The following PCDHA3 variants were observed in gnomAD, a reference collection of about 807,000 sequenced individuals.
PCDHA3 encodes the protein protocadherin alpha 3, also known as protocadherin alpha-3.
PCDHA3 carries 41 observed loss-of-function variants against 62.2 expected under a neutral mutation model. That is an observed-to-expected ratio of 0.66 (90% confidence interval 0.51 to 0.86). PCDHA3 has a LOEUF of 0.86. PCDHA3 is among the 40% of genes least tolerant of loss of function. The pLI, the probability that PCDHA3 is intolerant of heterozygous loss-of-function variation, is 0.00. For synonymous variants in PCDHA3, 640 were observed against 555.4 expected (o/e 1.15, Z -2.14); for missense variants, 1,304 against 1,241.2 (o/e 1.05, Z -0.76).
chr5:140,857,728 C>G, intron 1 of PCDHA3: 1 of 1,597,418 alleles, frequency 6.3e-7, no homozygotes, highest in Non-Finnish European at 8.6e-7. Context: ...AGAACGACAA[C>G]GCTCCCGCGC....
intron 1 of PCDHA3, among the ~76,000 whole-genome samples, chr5:140,917,332 G>C (rs182473611): frequency 8.9e-5 from 13 of 145,644 alleles, no homozygotes; most frequent in East Asian, 6.0e-4. Flanking sequence ...GGCGGGGGAG[G>C]GGGGGGATGG....
chr5:141,011,749 G>T lies in PCDHA3; in HGVS notation c.*1812G>T, dbSNP rs782567787. 1.2e-4 allele frequency: 18 copies of T among 153,636 alleles called. No homozygotes were observed. Among genetic ancestry groups the T allele is most frequent in the Non-Finnish European group, 2.5e-4 (17 of 68,010 alleles). 9.5% of individuals were successfully genotyped at this position (153,636 alleles called of 1,614,324 possible). A position where few individuals can be genotyped will look rare whatever the true frequency, so the allele number is the denominator to read the frequency against. On this transcript the variant is annotated 3_prime_UTR_variant, in exon 4 of 4. Coordinates refer to ENST00000522353, the MANE Select transcript of PCDHA3 (RefSeq NM_018906.3). ...GTGCAAGCACAAATTTTACCAATCT[G>T]ACCTCTTTGAAGTTGCAGAATGCTT...
At chr5:140,870,614 C>G in intron 1 of PCDHA3, 2 of 1,613,212 alleles carry the variant, frequency 1.2e-6, no homozygotes, top group South Asian at 2.2e-5. Flanking sequence ...CGCGCGCTGT[C>G]GAGCTACGTG....
At chr5:140,947,010 A>C (rs924112965) in intron 1 of PCDHA3, among the ~76,000 whole-genome samples, 7 of 151,752 alleles carry the variant, frequency 4.6e-5, no homozygotes, top group African/African-American at 1.4e-4. Flanking sequence ...AGAAATGATA[A>C]ATGTTTGAGG....
intron 3 of PCDHA3, among the ~76,000 whole-genome samples, chr5:141,003,433 T>G (rs1479468480): frequency 2.0e-5 from 3 of 152,112 alleles, no homozygotes; most frequent in African/African-American, 7.2e-5. Flanking sequence ...TGCCTCAGCC[T>G]CCCAAGTAGA....
chr5:140,830,126 T>C, intron 1 of PCDHA3: 1 of 1,613,316 alleles, frequency 6.2e-7, no homozygotes, highest in Non-Finnish European at 8.5e-7. Flanking sequence ...TCCAAAGGCG[T>C]CATCACGGGC....
In PCDHA3 at chr5:140,950,226, T is replaced by A. The variant is rs1478539445; in HGVS notation, c.2395-28723T>A. ...TGTTTACCTAGTCATTTACCATTTC[T>A]AGTGCCATTAATTTGTTCCTAAAGA... On this transcript the variant is annotated intron_variant, in intron 1 of 3. Coordinates refer to ENST00000522353, the MANE Select transcript of PCDHA3 (RefSeq NM_018906.3). 5.9e-5 allele frequency among the ~76,000 whole-genome samples: 9 copies of A among 152,018 alleles called. No homozygotes were observed. The East Asian group carries it at 1.7e-3, about 29-fold the overall frequency.
intron 1 of PCDHA3, chr5:140,869,751 C>G: frequency 1.2e-6 from 2 of 1,613,134 alleles, no homozygotes. Flanking sequence ...CAGCTACAGA[C>G]GGGGGAAAAC....
chr5:140,830,035 G>A, intron 1 of PCDHA3: 1 of 1,613,880 alleles, frequency 6.2e-7, no homozygotes, highest in Non-Finnish European at 8.5e-7. Flanking sequence ...ACCGGCTGCT[G>A]GTGCTGGTGA....
intron 1 of PCDHA3, among the ~76,000 whole-genome samples, chr5:140,937,771 G>T (rs558321540): frequency 6.6e-6 from 1 of 151,436 alleles, no homozygotes; most frequent in Non-Finnish European, 1.5e-5. Context: ...AATTAGTCGG[G>T]CGTGGTGGCG....
In PCDHA3 at chr5:140,801,276, G is replaced by C. The variant is rs1554121348; in HGVS notation, c.79G>C (p.Gly27Arg). ...TCTGCTCCTCGCAGCCTCGGAGGTG[G>C]GGAGCGGCCAGCTCCACTACTCCGT... Reference protein sequence around the residue: ...SLLLLAASEVGSGQLHYSVSE... With the variant: ...SLLLLAASEVRSGQLHYSVSE... The change falls in exon 1 of 4, where the codon GGG becomes CGG. Residue 27 changes from glycine (G) to arginine (R), a missense_variant. Coordinates refer to ENST00000522353, the MANE Select transcript of PCDHA3 (RefSeq NM_018906.3). 6.2e-7 allele frequency: 1 copy of C among 1,613,640 alleles called. No homozygotes were observed. Among genetic ancestry groups the C allele is most frequent in the East Asian group, 2.2e-5 (1 of 44,892 alleles).
At chr5:140,886,101 A>G (rs1554182351) in intron 1 of PCDHA3, among the ~76,000 whole-genome samples, 1 of 152,228 alleles carries the variant, frequency 6.6e-6, no homozygotes, top group Admixed American at 6.5e-5. Context: ...ACATTGATAC[A>G]GTAAAGAAGT....
intron 1 of PCDHA3, among the ~76,000 whole-genome samples, chr5:140,826,807 G>A (rs1769059412): frequency 6.6e-6 from 1 of 152,146 alleles, no homozygotes; most frequent in African/African-American, 2.4e-5. Context: ...TACCTAACAT[G>A]TGATTACATA....
Position 140,953,715 on chromosome 5 carries a change from A to T in PCDHA3, c.2395-25234A>T, listed in dbSNP as rs535385036. Among the ~76,000 whole-genome samples the T allele has an allele frequency of 2.6e-5, 4 of 152,312 alleles. No homozygotes were observed. The South Asian group carries it at 6.2e-4, about 24-fold the overall frequency. On this transcript the variant is annotated intron_variant, in intron 1 of 3. Transcript: ENST00000522353. ...TGATCTACTAGACTGAGCTTCAGAC[A>T]TTGTGTTTTGAAATTTTTGCTTAAC...
intron 1 of PCDHA3, among the ~76,000 whole-genome samples, chr5:140,951,923 T>C (rs538525528): frequency 6.6e-6 from 1 of 152,214 alleles, no homozygotes; most frequent in South Asian, 2.1e-4. Flanking sequence ...ACAAGTTAGT[T>C]ACTCCCAAGA....
Position 141,009,742 on chromosome 5 carries a change from C to A in PCDHA3, c.2658C>A (p.Asp886Glu). 6.2e-7 allele frequency: 1 copy of A among 1,614,160 alleles called. No individual in the cohort carries two copies. Among genetic ancestry groups the A allele is most frequent in the Non-Finnish European group, 8.5e-7 (1 of 1,180,038 alleles). The part of the protein sequence containing the change: ...PKQSGPGELP[D>E]KFIIPGSPAI... ...AATCCGGTCCCGGTGAGTTGCCCGA[C>A]AAATTCATTATCCCAGGATCTCCTG... is the stretch of plus-strand genomic sequence containing the variant. The change falls in exon 4 of 4, where the codon GAC becomes GAA. Residue 886 changes from aspartate to glutamate, a missense_variant. By Grantham distance (45) the Asp-to-Glu change is conservative. Coordinates refer to ENST00000522353, the MANE Select transcript of PCDHA3 (RefSeq NM_018906.3).
At position 140,829,373 on chromosome 5, in the gene PCDHA3, C is replaced by A. The variant is rs1202815393; in HGVS notation, c.2394+25782C>A. On this transcript the variant is annotated intron_variant, in intron 1 of 3. Transcript: ENST00000522353. The stretch of plus-strand genomic sequence containing the variant: ...GGCCTATGAGTTGGTGGTAACCGCG[C>A]GGGACGGGGGCTCGCCTTCGCTGTG... The A allele has an allele frequency of 4.3e-6, 7 of 1,614,082 alleles. No individual in the cohort carries two copies. In the African/African-American group the frequency reaches 6.7e-5, roughly 15 times the overall value.
At chr5:140,883,291 A>T (rs1554177505) in intron 1 of PCDHA3, 1 of 1,614,118 alleles carries the variant, frequency 6.2e-7, no homozygotes, top group South Asian at 1.1e-5. Flanking sequence ...TGGAAGTACT[A>T]GATGTAAATG....
intron 1 of PCDHA3, chr5:140,810,897 T>C (rs1051194245): frequency 3.9e-5 from 6 of 152,186 alleles, no homozygotes; most frequent in African/African-American, 1.4e-4. Context: ...CAAAGATAAT[T>C]TTCTGTGGTA....
Sources: allele counts gnomAD v4.1 joint callset (sites outside exome capture counted in the v4.1 genomes callset), GRCh38; gene constraint gnomAD v4.1.1; transcripts MANE v1.5; gene names NCBI Gene and HGNC (gene_info 2026-07-23, HGNC 2026-07-21).